Variants in CCDC158 observed in about 807,000 individuals in gnomAD.
The protein encoded by CCDC158 is coiled-coil domain containing 158, also known as coiled-coil domain-containing protein 158.
In CCDC158, 116 loss-of-function variants were observed where a neutral mutation model predicts 138.6. The ratio of observed to expected loss-of-function variants is 0.84; its 90% confidence interval spans 0.72 to 0.98. The LOEUF (loss-of-function observed/expected upper bound fraction) is 0.98. CCDC158 is among the 50% of genes least tolerant of loss of function. CCDC158 has a pLI of 0.00. For missense variants in CCDC158, 1,265 were observed against 1,306.1 expected (o/e 0.97, Z 0.48); for synonymous variants, 436 against 442.4 (o/e 0.99, Z 0.18).
At chr4:76,366,191 G>T (rs758999888) in intron 12 of CCDC158, among the ~76,000 whole-genome samples, 1 of 152,148 alleles carries the variant, frequency 6.6e-6, no homozygotes, top group African/African-American at 2.4e-5. Context: ...GGGTTTCATT[G>T]TAGGGCTGGC....
In CCDC158 at chr4:76,375,577, G is replaced by A. The variant is rs114461412; in HGVS notation, c.1029+3713C>T. ...TGCTTTCAAAGTAGTAAAAATAAAT[G>A]CTGAATCAACATCAGGAGATATTTT... On this transcript the variant is annotated intron_variant, in intron 9 of 24. Coordinates refer to ENST00000682701, the MANE Select transcript of CCDC158 (RefSeq NM_001394954.1). The A allele has an allele frequency of 8.9e-4, 628 of 702,734 alleles. 4 individuals are homozygous for A. The African/African-American group carries it at 9.2e-3, about 10-fold the overall frequency. 43.5% of individuals were successfully genotyped at this position (702,734 alleles called of 1,614,324 possible). A position where few individuals can be genotyped will look rare whatever the true frequency, so the allele number is the denominator to read the frequency against.
At chr4:76,367,162 T>C (rs1724754211) in intron 12 of CCDC158, 132 bp downstream of exon 12, 3 of 967,566 alleles carry the variant, frequency 3.1e-6, no homozygotes, top group African/African-American at 3.3e-5. Flanking sequence ...AAAACACACA[T>C]ATACACATAG....
At chr4:76,384,462 T>C (rs200323780) in intron 5 of CCDC158, 47 bp from the exon 6 acceptor site, 5 of 1,563,936 alleles carry the variant, frequency 3.2e-6, no homozygotes, top group African/African-American at 2.7e-5. Context: ...AAAACTCATA[T>C]TCACACAAGT....
rs1430169632 is a variant in CCDC158, at chr4:76,402,290, C to A, written c.70+848G>T. On this transcript the variant is annotated intron_variant, in intron 3 of 24. Transcript: ENST00000682701. ...TGTTGTAGGTTCCCTTTCTAGTTCTCTTCCACATAGGTTTGCAATGGGAAG... is the reference window on the plus strand; with the variant it reads ...TGTTGTAGGTTCCCTTTCTAGTTCTATTCCACATAGGTTTGCAATGGGAAG... The A allele has an allele frequency of 4.6e-5, 7 of 152,272 alleles. No homozygotes were observed. In the East Asian group the frequency reaches 1.3e-3, roughly 29 times the overall value. 9.4% of individuals were successfully genotyped at this position (152,272 alleles called of 1,614,324 possible).
chr4:76,347,682 T>A (rs1435441821), intron 18 of CCDC158, among the ~76,000 whole-genome samples: 1 of 152,074 alleles, frequency 6.6e-6, no homozygotes, highest in Non-Finnish European at 1.5e-5. Context: ...GTTCTGCACA[T>A]GTATCCCAGA....
chr4:76,327,009 T>C (rs1185715370), intron 22 of CCDC158, among the ~76,000 whole-genome samples: 1 of 152,154 alleles, frequency 6.6e-6, no homozygotes, highest in African/African-American at 2.4e-5. Context: ...ATAATTCATA[T>C]TTTTAATTAA....
At chr4:76,410,373 T>C (rs1254691836) in intron 2 of CCDC158, among the ~76,000 whole-genome samples, 3 of 151,880 alleles carry the variant, frequency 2.0e-5, no homozygotes, top group East Asian at 1.9e-4. Context: ...TTAGTAGAGA[T>C]GGGGTTTCAC....
chr4:76,332,794 A>G (rs968511913), intron 19 of CCDC158, among the ~76,000 whole-genome samples: 9 of 152,358 alleles, frequency 5.9e-5, no homozygotes, highest in African/African-American at 1.7e-4. Context: ...CGTTCAATAC[A>G]GTCCAATAGC....
Position 76,325,878 on chromosome 4 carries a change from G to T in CCDC158, c.3148C>A (p.His1050Asn). 6.2e-7 allele frequency: 1 copy of T among 1,610,506 alleles called. No individual in the cohort carries two copies. The highest frequency in any genetic ancestry group is 8.5e-7 in the Non-Finnish European group (1 of 1,178,790). The change falls in exon 23 of 25, where the codon CAT (histidine) becomes AAT (asparagine). Residue 1050 changes from histidine to asparagine, a missense_variant. Transcript: ENST00000682701. ...TSQYRSAKPI[H>N]SSDSVKDSQS... is the part of the protein sequence containing the mutation. ...TTACCTTTAACAGAATCAGATGAAT[G>T]AATAGGTTTGGCAGATCTATACTGT...
chr4:76,421,465 C>T (rs1730122876), upstream of CCDC158, among the ~76,000 whole-genome samples: 1 of 152,138 alleles, frequency 6.6e-6, no homozygotes, highest in African/African-American at 2.4e-5. Context: ...GCGCCCTCTG[C>T]CGCTTCTCCC....
Position 76,383,661 on chromosome 4 carries a change from C to T in CCDC158, c.803+1G>A. 1 of 1,609,186 alleles carries T rather than the reference C, an allele frequency of 6.2e-7. No individual in the cohort carries two copies. The highest frequency in any genetic ancestry group is 8.5e-7 in the Non-Finnish European group (1 of 1,175,720). ...TTTCCATACCTCAGTCAGAAACCTACCTATCTTGGTGTTGTTGCAGAAGTA... is the reference window on the plus strand; with the variant it reads ...TTTCCATACCTCAGTCAGAAACCTATCTATCTTGGTGTTGTTGCAGAAGTA... On this transcript the variant is annotated splice_donor_variant, in intron 7 of 24. Coordinates refer to ENST00000682701, the MANE Select transcript of CCDC158 (RefSeq NM_001394954.1). LOFTEE classifies it high-confidence loss of function.
At position 76,323,420 on chromosome 4, in the gene CCDC158, ATTGCT is replaced by A; in HGVS notation, c.3170-16_3170-12del. 1 of 1,590,546 alleles carries A rather than the reference ATTGCT, an allele frequency of 6.3e-7. No individual in the cohort carries two copies. The highest frequency in any genetic ancestry group is 8.6e-7 in the Non-Finnish European group (1 of 1,162,404). The stretch of plus-strand genomic sequence containing the variant: ...GCGGAGACTGTGAATCTATTAGAAA[ATTGCT>A]TAGATGTGATATTAAAAGTCTACTC... On this transcript the variant is annotated splice_polypyrimidine_tract_variant and intron_variant, in intron 23 of 24. Transcript: ENST00000682701.
At chr4:76,371,146 T>G (rs1470754861) in intron 10 of CCDC158, among the ~76,000 whole-genome samples, 1 of 152,196 alleles carries the variant, frequency 6.6e-6, no homozygotes, top group Non-Finnish European at 1.5e-5. Flanking sequence ...CTACTTCAAT[T>G]TAATGGAATA....
chr4:76,321,347 AGC>A (rs1719978782), intron 24 of CCDC158, among the ~76,000 whole-genome samples: 1 of 152,134 alleles, frequency 6.6e-6, no homozygotes, highest in Non-Finnish European at 1.5e-5. Flanking sequence ...AACTATGGAA[AGC>A]AGTACAGAGA....
intron 20 of CCDC158, 84 bp downstream of exon 20, chr4:76,332,348 G>A: frequency 2.6e-6 from 3 of 1,153,334 alleles, no homozygotes; most frequent in Non-Finnish European, 3.9e-6. Flanking sequence ...GTAAACTTAT[G>A]TCCAAACAGA....
chr4:76,377,914 A>G (rs1293155602), intron 9 of CCDC158, among the ~76,000 whole-genome samples: 1 of 152,246 alleles, frequency 6.6e-6, no homozygotes, highest in Non-Finnish European at 1.5e-5. Context: ...TGAAGAGAAC[A>G]GAAAATAGCT....
rs549005298 is a variant in CCDC158 at position 76,382,551 on chromosome 4, T to A, written c.914+59A>T. ...TTCTAAAAGATTATAGAACAGAAAG[T>A]TAATGAGAATAATATCTTTAAAATG... On this transcript the variant is annotated intron_variant, in intron 8 of 24. Coordinates refer to ENST00000682701, the MANE Select transcript of CCDC158 (RefSeq NM_001394954.1). The A allele has an allele frequency of 1.3e-3, 1,350 of 1,047,468 alleles. 23 individuals carry two copies. The South Asian group carries it at 0.018, about 14-fold the overall frequency. The allele number at this position is 1,047,468 out of a possible 1,614,324, so 64.9% of individuals were successfully genotyped here.
chr4:76,313,366 T>A (rs903819159), intron 24 of CCDC158, 120 bp from the exon 25 acceptor site: 13 of 533,664 alleles, frequency 2.4e-5, no homozygotes, highest in Non-Finnish European at 9.5e-6. Context: ...CTCAAGACAT[T>A]CTTAAAAATT....
intron 10 of CCDC158, among the ~76,000 whole-genome samples, chr4:76,370,672 T>G (rs2110252389): frequency 6.6e-6 from 1 of 152,128 alleles, no homozygotes; most frequent in Admixed American, 6.5e-5. Flanking sequence ...GGAGGCCAGG[T>G]TTGAGGATCT....
Sources: allele counts gnomAD v4.1 joint callset (sites outside exome capture counted in the v4.1 genomes callset), GRCh38; gene constraint gnomAD v4.1.1; transcripts MANE v1.5; gene names NCBI Gene and HGNC (gene_info 2026-07-23, HGNC 2026-07-21).